The following LRP5 variants were observed in gnomAD, a reference collection of about 807,000 sequenced individuals.
The protein encoded by LRP5 is LDL receptor related protein 5.
LRP5 carries 62 observed loss-of-function variants against 154.1 expected under a neutral mutation model. The observed-to-expected ratio is 0.40, with a 90% CI of 0.33 to 0.50. LRP5 has a LOEUF of 0.50. Ranked by LOEUF, LRP5 falls within the 20% of genes least tolerant of loss-of-function variation. The pLI is 0.55. For synonymous variants in LRP5, 966 were observed against 1,011.5 expected, an observed-to-expected ratio of 0.96 and a Z score of 0.85; for missense variants, 1,915 against 2,336.7, an observed-to-expected ratio of 0.82 and a Z score of 3.72.
At chr11:68,427,691 A>G (rs2472421) in intron 16 of LRP5, among the ~76,000 whole-genome samples, 3,257 of 151,496 alleles carry the variant, frequency 0.021, 119 homozygotes, top group African/African-American at 0.074. Context: ...AAAAAAAAAA[A>G]GGGCCAGGGG....
chr11:68,312,718 G>A lies in LRP5; in HGVS notation c.4G>A (p.Glu2Lys). MEAAPPGPPWPL... is the reference protein window; with the variant it reads MKAAPPGPPWPL... ...GCCCGTCCGGCCGCCGGACAACATG[G>A]AGGCAGCGCCGCCCGGGCCGCCGTG... is the stretch of plus-strand genomic sequence containing the variant. The change falls in exon 1 of 23, where the codon GAG becomes AAG. Residue 2 changes from glutamate (E) to lysine (K), a missense_variant. Glu to Lys is a moderately conservative substitution (Grantham distance 56, BLOSUM62 1). This residue lies in a region of LRP5 where 48 missense variants were observed against 25.7 expected (regional missense o/e 1.87). Transcript: ENST00000294304. The A allele has an allele frequency of 9.6e-7, 1 of 1,037,816 alleles. No homozygotes were observed. Among genetic ancestry groups the A allele is most frequent in the Non-Finnish European group, 1.2e-6 (1 of 865,352 alleles). 64.3% of individuals were successfully genotyped at this position (1,037,816 alleles called of 1,614,324 possible).
intron 5 of LRP5, among the ~76,000 whole-genome samples, chr11:68,382,215 CTAAG>C (rs1213011329): frequency 1.3e-5 from 2 of 152,202 alleles, no homozygotes; most frequent in African/African-American, 4.8e-5. Flanking sequence ...TGATTTACTC[CTAAG>C]TAATTGGAAG....
intron 9 of LRP5, among the ~76,000 whole-genome samples, chr11:68,409,074 A>G (rs1248923373): frequency 3.1e-5 from 1 of 32,320 alleles, no homozygotes; most frequent in Non-Finnish European, 5.9e-5. Flanking sequence ...AAAAAAAAAA[A>G]TATATATATA....
chr11:68,412,567 C>T (rs1004588685), intron 11 of LRP5, among the ~76,000 whole-genome samples: 1 of 151,858 alleles, frequency 6.6e-6, no homozygotes, highest in Non-Finnish European at 1.5e-5. Flanking sequence ...ATTGCTTGAG[C>T]CCAGGAGGTT....
intron 5 of LRP5, among the ~76,000 whole-genome samples, chr11:68,371,670 G>T (rs142419755): frequency 1.2e-3 from 184 of 152,392 alleles, no homozygotes; most frequent in Non-Finnish European, 2.3e-3. Flanking sequence ...CTGCTGACGG[G>T]ACGCCTCGCC....
chr11:68,364,519 G>A (rs2098629885), intron 4 of LRP5, among the ~76,000 whole-genome samples: 1 of 151,956 alleles, frequency 6.6e-6, no homozygotes, highest in Non-Finnish European at 1.5e-5. Context: ...ACCATGCTTG[G>A]CCCTGCAAGT....
Position 68,439,925 on chromosome 11 carries a change from C to T in LRP5, c.4488+9C>T, listed in dbSNP as rs1237577919. ...CCACGCTGTACCCGCCGGTGAGGGG[C>T]GGGGCCGGGGAGGGGCGGGGCGGGA... On this transcript the variant is annotated intron_variant, in intron 21 of 22. Coordinates refer to ENST00000294304, the MANE Select transcript of LRP5 (RefSeq NM_002335.4). 14 of 471,778 alleles carry T rather than the reference C, an allele frequency of 3.0e-5. No homozygotes were observed. The East Asian group carries it at 3.7e-4, about 12-fold the overall frequency. The allele number at this position is 471,778 out of a possible 1,614,324, so 29.2% of individuals were successfully genotyped here. A position where few individuals can be genotyped will look rare whatever the true frequency, so the allele number is the denominator to read the frequency against.
chr11:68,310,249 A>G (rs2098586950), upstream of LRP5, among the ~76,000 whole-genome samples: 1 of 152,098 alleles, frequency 6.6e-6, no homozygotes, highest in African/African-American at 2.4e-5. Flanking sequence ...GAGGTAAGAG[A>G]GTGAGCCACG....
At chr11:68,363,284 G>T (rs1298014537) in intron 3 of LRP5, among the ~76,000 whole-genome samples, 1 of 152,176 alleles carries the variant, frequency 6.6e-6, no homozygotes, top group Non-Finnish European at 1.5e-5. Flanking sequence ...TGTTTGGGAG[G>T]TGCCCTGTGC....
upstream of LRP5, among the ~76,000 whole-genome samples, chr11:68,308,622 AT>A (rs2098585437): frequency 6.6e-6 from 1 of 152,194 alleles, no homozygotes; most frequent in Admixed American, 6.5e-5. Flanking sequence ...ATCCTGCAGA[AT>A]AAAATAGTGC....
In LRP5 at chr11:68,448,979, C is replaced by T. The variant is rs767157733; in HGVS notation, c.4757C>T (p.Ala1586Val). ...PPTPHSQYLSAEDSCPPSPAT... is the reference protein window; with the variant it reads ...PPTPHSQYLSVEDSCPPSPAT... ...ACGCCCCACAGCCAGTACCTGTCGG[C>T]GGAGGACAGCTGCCCGCCCTCGCCC... The change falls in exon 23 of 23, where the codon GCG becomes GTG. Residue 1586 changes from alanine (A) to valine (V), a missense_variant. By Grantham distance (64) the Ala-to-Val change is moderately conservative. Transcript: ENST00000294304. 25 of 1,610,630 alleles carry T rather than the reference C, an allele frequency of 1.6e-5. No homozygotes were observed. The highest frequency in any genetic ancestry group is 7.7e-5 in the South Asian group (7 of 91,028).
At chr11:68,305,252 GCTCT>G in the LRP5 span, among the ~76,000 whole-genome samples, 13 of 150,152 alleles carry the variant, frequency 8.7e-5, no homozygotes, top group Admixed American at 8.0e-4. Context: ...ACACCTCCCT[GCTCT>G]CTCTCTCTCT....
chr11:68,354,241 C>T (rs1311017129), intron 2 of LRP5, among the ~76,000 whole-genome samples: 2 of 152,222 alleles, frequency 1.3e-5, no homozygotes, highest in Non-Finnish European at 1.5e-5. Context: ...TTTGGCTGGG[C>T]TTGTGGTAGC....
At chr11:68,439,744 G>T in intron 20 of LRP5, 33 bp from the exon 21 acceptor site, 3 of 1,602,090 alleles carry the variant, frequency 1.9e-6, no homozygotes, top group African/African-American at 1.3e-5. Context: ...GAGCCTGGAA[G>T]CCACCTGACC....
chr11:68,305,835 T>C, the LRP5 span, among the ~76,000 whole-genome samples: 4 of 152,200 alleles, frequency 2.6e-5, no homozygotes, highest in African/African-American at 9.6e-5. Context: ...GTAAGATGGG[T>C]TTGTGAAGAT....
intron 13 of LRP5, among the ~76,000 whole-genome samples, chr11:68,422,121 T>A (rs2153172311): frequency 6.6e-6 from 1 of 152,098 alleles, no homozygotes; most frequent in South Asian, 2.1e-4. Context: ...TTGGTTTAAT[T>A]TTTTTTGATA....
chr11:68,387,465 G>T (rs1171579987), intron 6 of LRP5, among the ~76,000 whole-genome samples: 7 of 152,208 alleles, frequency 4.6e-5, no homozygotes, highest in Non-Finnish European at 1.0e-4. Flanking sequence ...TTTCATCCAG[G>T]GGGGTAGGTA....
intron 1 of LRP5, among the ~76,000 whole-genome samples, chr11:68,346,931 C>T (rs1316000469): frequency 6.6e-6 from 1 of 152,228 alleles, no homozygotes; most frequent in Non-Finnish European, 1.5e-5. Flanking sequence ...CTGAAGGCCT[C>T]TCCTGATTTC....
intron 1 of LRP5, among the ~76,000 whole-genome samples, chr11:68,340,989 G>T (rs1401786319): frequency 1.4e-5 from 2 of 142,338 alleles, no homozygotes; most frequent in African/African-American, 5.3e-5. Context: ...CAGTCATTTT[G>T]TTACTAGTTA....
Sources: gnomAD v4.1 joint callset for allele counts (sites outside exome capture counted in the v4.1 genomes callset) on GRCh38, gnomAD v4.1.1 for gene constraint, gnomAD v4.1.1 regional missense constraint, MANE v1.5 for transcripts, NCBI Gene and HGNC (gene_info 2026-07-23, HGNC 2026-07-21) for gene names.